JAZF1: variants seen among roughly 807,000 people sequenced by gnomAD.
JAZF1 encodes the protein juxtaposed with another zinc finger protein 1.
JAZF1 carries 8 observed loss-of-function variants against 26.4 expected under a neutral mutation model. The observed-to-expected ratio is 0.30, with a 90% CI of 0.18 to 0.55. The LOEUF (loss-of-function observed/expected upper bound fraction) is 0.55, where lower values mean the gene tolerates loss of function less well. Ranked by LOEUF, JAZF1 falls within the 20% of genes least tolerant of loss-of-function variation. JAZF1 has a pLI of 0.94. For missense variants in JAZF1, 199 were observed against 322.0 expected (o/e 0.62, Z 2.92); for synonymous variants, 126 against 122.3 (o/e 1.03, Z -0.20).
chr7:27,847,501 A>G (rs1022300512), intron 3 of JAZF1, among the ~76,000 whole-genome samples: 2 of 152,124 alleles, frequency 1.3e-5, no homozygotes, highest in East Asian at 3.9e-4. Context: ...GTCTATGTAG[A>G]AACCCAGTTG....
chr7:28,093,942 G>A (rs1298364249), intron 1 of JAZF1, among the ~76,000 whole-genome samples: 1 of 152,338 alleles, frequency 6.6e-6, no homozygotes, highest in South Asian at 2.1e-4. Flanking sequence ...CAGTGCTCAG[G>A]ACAACTTGAC....
At chr7:27,967,439 A>G (rs1245272060) in intron 2 of JAZF1, among the ~76,000 whole-genome samples, 2 of 152,052 alleles carry the variant, frequency 1.3e-5, no homozygotes, top group African/African-American at 4.8e-5. Context: ...AAAGGGAGGG[A>G]CCCGAGAGAC....
rs562960209 is a variant in JAZF1, at chr7:27,879,504, T to C, written c.385+15716A>G. Reference sequence around the variant, plus strand: ...TGCAGAACTGATACGCTTTAGTATCTTCTCTAAGATACTTAATGAGTTAGT... The same window carrying C: ...TGCAGAACTGATACGCTTTAGTATCCTCTCTAAGATACTTAATGAGTTAGT... On this transcript the variant is annotated intron_variant, in intron 3 of 4. Coordinates refer to ENST00000283928, the MANE Select transcript of JAZF1 (RefSeq NM_175061.4). 2.0e-5 allele frequency among the ~76,000 whole-genome samples: 3 copies of C among 152,318 alleles called. No individual in the cohort carries two copies. In the East Asian group the frequency reaches 5.8e-4, roughly 29 times the overall value.
chr7:27,913,120 T>A (rs1197217577), intron 2 of JAZF1, among the ~76,000 whole-genome samples: 1 of 151,780 alleles, frequency 6.6e-6, no homozygotes, highest in African/African-American at 2.4e-5. Flanking sequence ...TTAATTCACC[T>A]CCTGAGGGCC....
intron 2 of JAZF1, among the ~76,000 whole-genome samples, chr7:27,909,132 C>T (rs897531037): frequency 6.8e-6 from 1 of 146,300 alleles, no homozygotes; most frequent in South Asian, 2.1e-4. Flanking sequence ...GCCTCAGCCT[C>T]TTGAGTAGCT....
intron 2 of JAZF1, among the ~76,000 whole-genome samples, chr7:27,966,019 G>A (rs1280791927): frequency 6.6e-6 from 1 of 152,204 alleles, no homozygotes; most frequent in South Asian, 2.1e-4. Context: ...AAAGCTACTG[G>A]AAGAATCTGA....
chr7:27,982,707 G>A (rs906071126), intron 2 of JAZF1, among the ~76,000 whole-genome samples: 1 of 152,104 alleles, frequency 6.6e-6, no homozygotes, highest in Non-Finnish European at 1.5e-5. Flanking sequence ...TCCCAGTAGG[G>A]GCCAAGTGAC....
chr7:27,972,014 C>CTG (rs1447644080), intron 2 of JAZF1, among the ~76,000 whole-genome samples: 3 of 151,896 alleles, frequency 2.0e-5, no homozygotes, highest in African/African-American at 7.2e-5. Context: ...GTACTACCTA[C>CTG]TGTGTAACAG....
intron 1 of JAZF1, among the ~76,000 whole-genome samples, chr7:27,993,368 G>C (rs73683927): frequency 0.028 from 4,279 of 152,170 alleles, 200 homozygotes; most frequent in African/African-American, 0.098. Context: ...GCTATTCCTC[G>C]ATCTCTGGCC....
chr7:28,103,660 T>C (rs1784507758), intron 1 of JAZF1, among the ~76,000 whole-genome samples: 1 of 152,128 alleles, frequency 6.6e-6, no homozygotes, highest in African/African-American at 2.4e-5. Flanking sequence ...GGTTTCTTTC[T>C]TTCTCTCATA....
chr7:27,872,719 C>T (rs1182808583), intron 3 of JAZF1, among the ~76,000 whole-genome samples: 1 of 152,322 alleles, frequency 6.6e-6, no homozygotes, highest in South Asian at 2.1e-4. Flanking sequence ...CTAGTTGCAG[C>T]TGTAATCTTG....
intron 1 of JAZF1, among the ~76,000 whole-genome samples, chr7:28,095,689 C>T (rs1784372597): frequency 6.6e-6 from 1 of 152,238 alleles, no homozygotes; most frequent in Non-Finnish European, 1.5e-5. Context: ...CTGCTGCCTT[C>T]CAACAGGTAA....
At chr7:28,092,570 C>T (rs1449974822) in intron 1 of JAZF1, among the ~76,000 whole-genome samples, 3 of 151,944 alleles carry the variant, frequency 2.0e-5, no homozygotes, top group South Asian at 2.1e-4. Flanking sequence ...TGGCTGGATG[C>T]GGTGGCTCAC....
Position 28,177,761 on chromosome 7 carries a change from A to G in JAZF1, c.115+2702T>C, listed in dbSNP as rs41420446. ...TCCAAATACTTATAGATTGAATCAA[A>G]AACGATAAATACCACATAACAATAC... On this transcript the variant is annotated intron_variant, in intron 1 of 4. Transcript: ENST00000283928. 0.016 allele frequency among the ~76,000 whole-genome samples: 2,466 copies of G among 152,356 alleles called. 135 individuals are homozygous for G. In the East Asian group the frequency reaches 0.22, roughly 14 times the overall value.
chr7:27,981,357 C>A lies in JAZF1; in HGVS notation c.188+10552G>T, dbSNP rs540842793. On this transcript the variant is annotated intron_variant, in intron 2 of 4. Coordinates refer to ENST00000283928, the MANE Select transcript of JAZF1 (RefSeq NM_175061.4). ...ACATTCTGTGGGACAACAAGCCTAT[C>A]TCTTCAACAAGTTATTGTCAATAAA... Among the ~76,000 whole-genome samples, 32 of 152,276 alleles carry A rather than the reference C, an allele frequency of 2.1e-4. 1 individual carries two copies. Among genetic ancestry groups the A allele is most frequent in the African/African-American group, 7.7e-4 (32 of 41,556 alleles).
chr7:28,108,469 C>T (rs1333684243), intron 1 of JAZF1, among the ~76,000 whole-genome samples: 1 of 152,152 alleles, frequency 6.6e-6, no homozygotes, highest in Non-Finnish European at 1.5e-5. Context: ...TTTACTCTTC[C>T]CTGCCAGTTC....
chr7:28,163,007 A>T (rs1387089795), intron 1 of JAZF1, among the ~76,000 whole-genome samples: 1 of 152,268 alleles, frequency 6.6e-6, no homozygotes, highest in African/African-American at 2.4e-5. Flanking sequence ...GCCATGGATC[A>T]TGTCTTCTGG....
chr7:27,934,043 T>C (rs1445361443), intron 2 of JAZF1, among the ~76,000 whole-genome samples: 1 of 152,226 alleles, frequency 6.6e-6, no homozygotes, highest in Non-Finnish European at 1.5e-5. Flanking sequence ...TACTTTTTCA[T>C]TAGCCGCATG....
intron 1 of JAZF1, among the ~76,000 whole-genome samples, chr7:28,011,099 C>T (rs990434185): frequency 1.3e-4 from 20 of 152,034 alleles, no homozygotes; most frequent in African/African-American, 2.9e-4. Context: ...TAATTATTGC[C>T]GCAACCCAAG....
Sources: gnomAD v4.1 joint callset for allele counts (sites outside exome capture counted in the v4.1 genomes callset) on GRCh38, gnomAD v4.1.1 for gene constraint, MANE v1.5 for transcripts, NCBI Gene and HGNC (gene_info 2026-07-23, HGNC 2026-07-21) for gene names.